Variants in KIAA1217 observed in about 807,000 individuals in gnomAD.
The protein encoded by KIAA1217 is KIAA1217, also known as sickle tail protein homolog.
A neutral mutation model predicts 163.9 loss-of-function variants in KIAA1217; 88 were observed. The observed-to-expected ratio is 0.54, with a 90% CI of 0.45 to 0.64. The LOEUF is 0.64. KIAA1217 is among the 30% of genes least tolerant of loss of function. The probability of loss-of-function intolerance (pLI) is 0.00; values close to 1 mark genes in which losing one functional copy is unlikely to be tolerated. For synonymous variants in KIAA1217, 903 were observed against 923.1 expected, an observed-to-expected ratio of 0.98 and a Z score of 0.39; for missense variants, 2,372 against 2,475.0, an observed-to-expected ratio of 0.96 and a Z score of 0.88.
At chr10:23,926,993 G>C (rs1056315086) in intron 1 of KIAA1217, among the ~76,000 whole-genome samples, 1 of 151,792 alleles carries the variant, frequency 6.6e-6, no homozygotes, top group Non-Finnish European at 1.5e-5. Context: ...CTGCAGCCTC[G>C]ACTTCCCAGG....
intron 9 of KIAA1217, among the ~76,000 whole-genome samples, chr10:24,511,413 C>T (rs572085449): frequency 3.9e-5 from 6 of 152,132 alleles, no homozygotes; most frequent in South Asian, 2.1e-4. Context: ...AAGGCTGCGG[C>T]GGGCAGATCA....
At chr10:24,508,740 C>G (rs2068698463) in intron 9 of KIAA1217, among the ~76,000 whole-genome samples, 1 of 152,176 alleles carries the variant, frequency 6.6e-6, no homozygotes, top group Non-Finnish European at 1.5e-5. Flanking sequence ...CTGAAAAACT[C>G]AGCAACAGGG....
intron 2 of KIAA1217, among the ~76,000 whole-genome samples, chr10:24,276,086 A>G (rs1194572942): frequency 6.6e-6 from 1 of 152,156 alleles, no homozygotes; most frequent in Non-Finnish European, 1.5e-5. Flanking sequence ...CAGCTTGAGG[A>G]CTGTCAGTTT....
At chr10:23,714,764 G>A (rs981796406) in intron 1 of KIAA1217, among the ~76,000 whole-genome samples, 1 of 152,104 alleles carries the variant, frequency 6.6e-6, no homozygotes, top group African/African-American at 2.4e-5. Flanking sequence ...AAACCAAAGG[G>A]TAGGGCAAAC....
At chr10:23,803,654 A>G (rs1836587300) in intron 1 of KIAA1217, among the ~76,000 whole-genome samples, 1 of 152,174 alleles carries the variant, frequency 6.6e-6, no homozygotes, top group Non-Finnish European at 1.5e-5. Context: ...GGGGACCTGA[A>G]CTATGACATC....
At chr10:24,532,050 C>T in intron 15 of KIAA1217, 57 bp downstream of exon 15, 1 of 1,383,440 alleles carries the variant, frequency 7.2e-7, no homozygotes, top group South Asian at 2.0e-5. Context: ...TACCCTTAGA[C>T]AAGGTTCTCT....
At position 24,400,962 on chromosome 10, in the gene KIAA1217, T is replaced by TACACAC. The variant is rs375697958; in HGVS notation, c.553+19927_553+19932dup. Among the ~76,000 whole-genome samples, 845 of 117,156 alleles carry TACACAC rather than the reference T, an allele frequency of 7.2e-3. 9 individuals are homozygous for TACACAC. Among genetic ancestry groups the TACACAC allele is most frequent in the South Asian group, 0.015 (53 of 3,654 alleles). The allele number at this position is 117,156 out of a possible 152,430, so 76.9% of individuals were successfully genotyped here. On this transcript the variant is annotated intron_variant, in intron 3 of 20. Coordinates refer to ENST00000376454, the MANE Select transcript of KIAA1217 (RefSeq NM_019590.5). ...AACACAAAATTCCAAGCAAGAAACA[T>TACACAC]ACACACACACACACACACACACACA...
intron 2 of KIAA1217, among the ~76,000 whole-genome samples, chr10:24,136,755 G>T (rs1273649644): frequency 2.6e-5 from 4 of 152,186 alleles, no homozygotes; most frequent in Non-Finnish European, 4.4e-5. Flanking sequence ...TTTGAGTCTG[G>T]TTCTTCGAGG....
intron 1 of KIAA1217, among the ~76,000 whole-genome samples, chr10:23,943,013 T>C (rs1843850405): frequency 1.3e-5 from 2 of 151,740 alleles, no homozygotes; most frequent in Non-Finnish European, 2.9e-5. Context: ...AGCCCCCAGC[T>C]ACTCAAGAGG....
At chr10:24,524,818 C>G in intron 13 of KIAA1217, 54 bp downstream of exon 13, 1 of 1,421,006 alleles carries the variant, frequency 7.0e-7, no homozygotes, top group Non-Finnish European at 9.6e-7. Context: ...GATACATGGA[C>G]CTTTCCCTTA....
chr10:24,002,891 G>C (rs952762709), intron 1 of KIAA1217, among the ~76,000 whole-genome samples: 1 of 152,152 alleles, frequency 6.6e-6, no homozygotes, highest in Non-Finnish European at 1.5e-5. Flanking sequence ...TTATAAGTGA[G>C]AGCATATGCT....
At chr10:24,527,450 C>T (rs1042929109) in intron 13 of KIAA1217, among the ~76,000 whole-genome samples, 8 of 147,844 alleles carry the variant, frequency 5.4e-5, no homozygotes, top group African/African-American at 1.7e-4. Context: ...TTCCTTGAGG[C>T]AGGTTGTTTA....
intron 2 of KIAA1217, among the ~76,000 whole-genome samples, chr10:24,109,242 G>T (rs945721542): frequency 1.2e-4 from 19 of 152,188 alleles, no homozygotes; most frequent in African/African-American, 4.3e-4. Flanking sequence ...GCCACTAGGG[G>T]TGCTTACATT....
chr10:23,989,057 ATT>A (rs1411506148), intron 1 of KIAA1217, among the ~76,000 whole-genome samples: 1 of 152,174 alleles, frequency 6.6e-6, no homozygotes, highest in African/African-American at 2.4e-5. Context: ...ACATTTTTCT[ATT>A]TCATTGACTC....
At chr10:23,849,085 C>A (rs1367705374) in intron 1 of KIAA1217, among the ~76,000 whole-genome samples, 1 of 152,018 alleles carries the variant, frequency 6.6e-6, no homozygotes. Flanking sequence ...GGAAATAAGA[C>A]AATATGGAGC....
intron 1 of KIAA1217, among the ~76,000 whole-genome samples, chr10:23,719,935 G>C (rs954390805): frequency 6.6e-6 from 1 of 151,924 alleles, no homozygotes; most frequent in Non-Finnish European, 1.5e-5. Flanking sequence ...AGGCTATATA[G>C]TGTATGATTA....
chr10:24,012,721 A>G (rs555870754), intron 2 of KIAA1217, among the ~76,000 whole-genome samples: 5 of 152,306 alleles, frequency 3.3e-5, no homozygotes, highest in Admixed American at 2.6e-4. Context: ...ATTATAGTGA[A>G]CTGTAACTTA....
chr10:24,065,998 G>A (rs1208302866), intron 2 of KIAA1217, among the ~76,000 whole-genome samples: 2 of 152,102 alleles, frequency 1.3e-5, no homozygotes, highest in African/African-American at 4.8e-5. Context: ...TTGCTTGGTA[G>A]ATCTTCCTCC....
intron 1 of KIAA1217, among the ~76,000 whole-genome samples, chr10:23,980,876 C>G (rs11013824): frequency 0.2 from 30,865 of 152,086 alleles, 3,410 homozygotes; most frequent in Middle Eastern, 0.28. Flanking sequence ...TTCTCTTTCT[C>G]GTATGGTTAA....
Sources: allele counts gnomAD v4.1 joint callset (sites outside exome capture counted in the v4.1 genomes callset), GRCh38; gene constraint gnomAD v4.1.1; transcripts MANE v1.5; gene names NCBI Gene and HGNC (gene_info 2026-07-23, HGNC 2026-07-21).